Variants in SPATA21 observed in about 807,000 individuals in gnomAD.
SPATA21 encodes spermatogenesis-associated protein 21.
A neutral mutation model predicts 54.8 loss-of-function variants in SPATA21; 47 were observed. The ratio of observed to expected loss-of-function variants is 0.86; its 90% confidence interval spans 0.68 to 1.09. SPATA21 has a LOEUF of 1.09. SPATA21 is among the 50% of genes least tolerant of loss of function. SPATA21 has a pLI of 0.00. For missense variants in SPATA21, 599 were observed against 596.4 expected (o/e 1.00, Z -0.05); for synonymous variants, 245 against 235.3 (o/e 1.04, Z -0.38).
chr1:16,432,593 C>T (rs2086487135), intron 2 of SPATA21, among the ~76,000 whole-genome samples, 197 bp downstream of exon 2: 1 of 152,132 alleles, frequency 6.6e-6, no homozygotes, highest in Non-Finnish European at 1.5e-5. Flanking sequence ...TTTCCGATAG[C>T]CCCCAACCCA....
intron 5 of SPATA21, among the ~76,000 whole-genome samples, chr1:16,418,097 C>T (rs1557662248): frequency 6.6e-6 from 1 of 152,188 alleles, no homozygotes; most frequent in Non-Finnish European, 1.5e-5. Flanking sequence ...TGTCCTTTCT[C>T]TCCAAGCACT....
chr1:16,409,329 C>A lies in SPATA21; in HGVS notation c.588-126G>T. On this transcript the variant is annotated intron_variant, in intron 6 of 12. Transcript: ENST00000335496. The surrounding 1 kb of genome is among the most constrained non-coding windows in gnomAD (Gnocchi z 4.1). Reference sequence around the variant, plus strand: ...GAGGCTTTGGGGAGCCCGGAGAGATCAAGAATGGCAGGAAAAAGGAGATCC... The same window carrying A: ...GAGGCTTTGGGGAGCCCGGAGAGATAAAGAATGGCAGGAAAAAGGAGATCC... 1 of 1,014,934 alleles carries A rather than the reference C, an allele frequency of 9.9e-7. No homozygotes were observed. The highest frequency in any genetic ancestry group is 1.5e-6 in the Non-Finnish European group (1 of 686,382). 62.9% of individuals were successfully genotyped at this position (1,014,934 alleles called of 1,614,324 possible).
At chr1:16,405,752 C>T (rs969942686) in intron 7 of SPATA21, among the ~76,000 whole-genome samples, 2 of 152,148 alleles carry the variant, frequency 1.3e-5, no homozygotes, top group South Asian at 2.1e-4. Flanking sequence ...TGCTCTGGGA[C>T]GTTCTCAGAC....
downstream of SPATA21, among the ~76,000 whole-genome samples, chr1:16,398,298 C>A (rs762758092): frequency 6.6e-6 from 1 of 151,838 alleles, no homozygotes; most frequent in Non-Finnish European, 1.5e-5. Flanking sequence ...AAAGGACCCA[C>A]CCCTCTTGGG....
At position 16,403,951 on chromosome 1, in the gene SPATA21, GGCTCATCCCT is replaced by G; in HGVS notation, c.883+7_883+16del. On this transcript the variant is annotated splice_region_variant and intron_variant, in intron 9 of 12. Coordinates refer to ENST00000335496, the MANE Select transcript of SPATA21 (RefSeq NM_198546.1). ...CCCTCCTCCAGTTCTGACTACGCTG[GGCTCATCCCT>G]GCTCACCCACAGAGCAGAAGAAGCG... 6.2e-7 allele frequency: 1 copy of G among 1,604,210 alleles called. No individual in the cohort carries two copies.
chr1:16,413,078 G>A (rs945478253), intron 5 of SPATA21, among the ~76,000 whole-genome samples: 3 of 152,052 alleles, frequency 2.0e-5, no homozygotes, highest in South Asian at 2.1e-4. Context: ...CACCACGCCC[G>A]GCCAACGATT....
chr1:16,400,357 G>T, intron 11 of SPATA21: 3 of 771,234 alleles, frequency 3.9e-6, no homozygotes, highest in Non-Finnish European at 4.7e-6. Flanking sequence ...GTAAATACAT[G>T]ATTATGAGTA....
intron 5 of SPATA21, among the ~76,000 whole-genome samples, chr1:16,415,445 G>A (rs1053761651): frequency 6.6e-6 from 1 of 152,210 alleles, no homozygotes; most frequent in Non-Finnish European, 1.5e-5. Context: ...GACTCCCCAT[G>A]GCCCTCTGGG....
At chr1:16,425,590 G>T (rs1339679519) in intron 3 of SPATA21, 2 of 1,549,966 alleles carry the variant, frequency 1.3e-6, no homozygotes, top group African/African-American at 1.4e-5. Context: ...GCTGGCCCTT[G>T]ATCTCCTTTC....
intron 3 of SPATA21, among the ~76,000 whole-genome samples, chr1:16,423,990 G>C (rs1194924638): frequency 6.6e-6 from 1 of 151,718 alleles, no homozygotes; most frequent in African/African-American, 2.4e-5. Flanking sequence ...TAGTGGGAGG[G>C]GGGATGAGAA....
chr1:16,429,689 G>A (rs1230467908), intron 3 of SPATA21, among the ~76,000 whole-genome samples: 12 of 150,056 alleles, frequency 8.0e-5, no homozygotes, highest in African/African-American at 2.7e-4. Context: ...GGTCAGGCTG[G>A]TCTTGAACTC....
chr1:16,411,799 A>C (rs568548991), intron 5 of SPATA21, among the ~76,000 whole-genome samples: 53 of 131,326 alleles, frequency 4.0e-4, no homozygotes, highest in Admixed American at 2.2e-3. Context: ...CAAAAAAAAA[A>C]AAAAAAAAAC....
chr1:16,428,089 C>G lies in SPATA21; in HGVS notation c.34+3249G>C. 6.7e-7 allele frequency: 1 copy of G among 1,490,372 alleles called. No individual in the cohort carries two copies. Among genetic ancestry groups the G allele is most frequent in the Non-Finnish European group, 9.0e-7 (1 of 1,107,492 alleles). 92.3% of individuals were successfully genotyped at this position (1,490,372 alleles called of 1,614,324 possible). ...CCGTTCTGGAGTGATCCCTCCCACT[C>G]CTCCCTGGGTACTCTTCTGGCCTCA... On this transcript the variant is annotated intron_variant, in intron 3 of 12. Transcript: ENST00000335496. This position sits in a 1 kb window ranked among gnomAD's most constrained non-coding sequence, Gnocchi z 4.3.
chr1:16,407,626 A>G (rs1484360879), intron 7 of SPATA21, among the ~76,000 whole-genome samples: 1 of 151,624 alleles, frequency 6.6e-6, no homozygotes, highest in Non-Finnish European at 1.5e-5. Context: ...CACCGGGCTA[A>G]TTTTTGTATT....
intron 3 of SPATA21, chr1:16,425,512 C>A (rs746127131): frequency 1.3e-6 from 2 of 1,548,376 alleles, no homozygotes; most frequent in Non-Finnish European, 1.7e-6. Context: ...CTCCCCAGAT[C>A]TCCTAGGTTA....
Position 16,399,400 on chromosome 1 carries a change from A to AG in SPATA21, c.1295dup (p.Gly433TrpfsTer5), listed in dbSNP as rs758964882. 4 of 1,613,870 alleles carry AG rather than the reference A, an allele frequency of 2.5e-6. No individual in the cohort carries two copies. The highest frequency in any genetic ancestry group is 3.4e-6 in the Non-Finnish European group (4 of 1,179,954). On this transcript the variant is annotated frameshift_variant, in exon 12 of 13. Coordinates refer to ENST00000335496, the MANE Select transcript of SPATA21 (RefSeq NM_198546.1). LOFTEE classifies it high-confidence loss of function. ...GGCTGCGGATGTCAGGATCCAGGCC[A>AG]GGGGGTGTGCACTGGTCTAGTGCAT...
chr1:16,433,939 G>A (rs2086522899), intron 1 of SPATA21, among the ~76,000 whole-genome samples: 1 of 151,850 alleles, frequency 6.6e-6, no homozygotes, highest in African/African-American at 2.4e-5. Context: ...TACCACCCTC[G>A]CCCTAATTCT....
intron 8 of SPATA21, among the ~76,000 whole-genome samples, chr1:16,404,687 A>G (rs146953204): frequency 1.9e-4 from 29 of 152,240 alleles, no homozygotes; most frequent in Admixed American, 3.3e-4. Flanking sequence ...TAGTGCGCCT[A>G]TAGCCCCAAT....
At chr1:16,399,240 A>G in intron 12 of SPATA21, 104 bp downstream of exon 12, 5 of 1,301,662 alleles carry the variant, frequency 3.8e-6, no homozygotes, top group South Asian at 1.5e-5. Context: ...GCAGCCTCTC[A>G]GGTATGATCT....
Sources: allele counts gnomAD v4.1 joint callset (sites outside exome capture counted in the v4.1 genomes callset), GRCh38; gene constraint gnomAD v4.1.1; non-coding constraint Gnocchi (gnomAD v3.1); transcripts MANE v1.5; gene names NCBI Gene and HGNC (gene_info 2026-07-23, HGNC 2026-07-21).